Variants in CTNNA2 observed in about 807,000 individuals in gnomAD.
CTNNA2 encodes catenin alpha 2, also known as catenin alpha-2.
In CTNNA2, 42 loss-of-function variants were observed where a neutral mutation model predicts 101.0. The ratio of observed to expected loss-of-function variants is 0.42; its 90% confidence interval spans 0.32 to 0.54. CTNNA2 has a LOEUF of 0.54. Among genes scored for constraint, CTNNA2 ranks in the 20% least tolerant of loss-of-function variants. The probability of loss-of-function intolerance (pLI) is 0.14; values close to 1 mark genes in which losing one functional copy is unlikely to be tolerated. For missense variants in CTNNA2, 871 were observed against 1,223.1 expected (o/e 0.71, Z 4.29); for synonymous variants, 450 against 456.4 (o/e 0.99, Z 0.18).
chr2:79,294,238 A>AGAGGAG (rs369054802), intron 2 of CTNNA2, among the ~76,000 whole-genome samples: 1 of 149,870 alleles, frequency 6.7e-6, no homozygotes, highest in African/African-American at 2.4e-5. Context: ...AAGAAGAAGA[A>AGAGGAG]GAGGAGGAGG....
intron 1 of CTNNA2, among the ~76,000 whole-genome samples, chr2:79,538,240 T>A (rs907954547): frequency 2.7e-4 from 18 of 66,756 alleles, no homozygotes; most frequent in African/African-American, 1.6e-3. Flanking sequence ...AAGATGATTA[T>A]TCGAAAAAAA....
intron 3 of CTNNA2, among the ~76,000 whole-genome samples, chr2:79,844,806 C>A (rs1680075997): frequency 8.1e-6 from 1 of 124,048 alleles, no homozygotes; most frequent in African/African-American, 3.1e-5. Flanking sequence ...GTGTATTTTC[C>A]TGGGACATTT....
chr2:79,511,654 GATA>G (rs1367500662), upstream of CTNNA2, among the ~76,000 whole-genome samples: 7 of 152,260 alleles, frequency 4.6e-5, no homozygotes, highest in Admixed American at 4.6e-4. Flanking sequence ...AAGCCAAAAA[GATA>G]TTGGGAGAGA....
intron 4 of CTNNA2, among the ~76,000 whole-genome samples, chr2:79,475,407 T>A (rs1671040093): frequency 6.6e-6 from 1 of 152,184 alleles, no homozygotes. Flanking sequence ...AAATTATTCT[T>A]ATTTTTTTTT....
At chr2:79,939,000 AG>A (rs1687971971) in intron 7 of CTNNA2, among the ~76,000 whole-genome samples, 2 of 152,174 alleles carry the variant, frequency 1.3e-5, no homozygotes, top group Admixed American at 1.3e-4. Flanking sequence ...CGATATTAAC[AG>A]GTGGAGTGTG....
At chr2:80,600,590 A>C (rs1464955146) in intron 15 of CTNNA2, among the ~76,000 whole-genome samples, 1 of 152,184 alleles carries the variant, frequency 6.6e-6, no homozygotes, top group Non-Finnish European at 1.5e-5. Flanking sequence ...ATAAATGATG[A>C]AGAGACTCAG....
rs536305184 is a variant in CTNNA2, at chr2:79,709,961, G to T, written c.103-34426G>T. On this transcript the variant is annotated intron_variant, in intron 2 of 18. Coordinates refer to ENST00000402739, the MANE Select transcript of CTNNA2 (RefSeq NM_001282597.3). ...GAGAAAGTGGAATGAGCTCTGATTT[G>T]GACATAGTAAGGTCAAGAATGGCAC... 7.2e-5 allele frequency among the ~76,000 whole-genome samples: 11 copies of T among 152,174 alleles called. No homozygotes were observed. In the South Asian group the frequency reaches 2.1e-3, roughly 29 times the overall value.
At chr2:79,465,044 A>T (rs1185416186) in intron 4 of CTNNA2, among the ~76,000 whole-genome samples, 1 of 152,292 alleles carries the variant, frequency 6.6e-6, no homozygotes, top group East Asian at 1.9e-4. Context: ...TGTTTTGGAC[A>T]TGAAGTCCTT....
intron 1 of CTNNA2, among the ~76,000 whole-genome samples, chr2:79,602,792 T>C (rs1573453155): frequency 6.6e-6 from 1 of 152,092 alleles, no homozygotes; most frequent in Admixed American, 6.5e-5. Context: ...TGAAACCTTA[T>C]TGAAAGACAT....
At chr2:79,906,067 A>G (rs1685403878) in intron 6 of CTNNA2, among the ~76,000 whole-genome samples, 2 of 152,106 alleles carry the variant, frequency 1.3e-5, no homozygotes, top group African/African-American at 4.8e-5. Flanking sequence ...AGAGACAGAC[A>G]CATACAACTA....
chr2:79,696,705 GCAATGAAAATGA>G (rs994774432), intron 2 of CTNNA2, among the ~76,000 whole-genome samples: 3 of 151,990 alleles, frequency 2.0e-5, no homozygotes, highest in Non-Finnish European at 2.9e-5. Context: ...TAGGGAATTG[GCAATGAAAATGA>G]GATCAGACCC....
intron 2 of CTNNA2, among the ~76,000 whole-genome samples, chr2:79,290,663 G>A (rs1049838622): frequency 1.3e-5 from 2 of 152,094 alleles, no homozygotes; most frequent in South Asian, 4.1e-4. Context: ...CCAGCAGGCC[G>A]GCAGGCCATC....
intron 7 of CTNNA2, among the ~76,000 whole-genome samples, chr2:80,025,305 A>C (rs1174664769): frequency 6.6e-6 from 1 of 152,130 alleles, no homozygotes; most frequent in Non-Finnish European, 1.5e-5. Flanking sequence ...CCAGGGACCC[A>C]CCCTCTTCTA....
intron 7 of CTNNA2, among the ~76,000 whole-genome samples, chr2:80,212,616 T>A (rs1707972597): frequency 6.6e-6 from 1 of 152,190 alleles, no homozygotes; most frequent in African/African-American, 2.4e-5. Context: ...CGGATTCGGT[T>A]TGCCAGTATT....
chr2:80,550,104 C>T (rs148958868), intron 11 of CTNNA2, among the ~76,000 whole-genome samples: 73 of 152,286 alleles, frequency 4.8e-4, no homozygotes, highest in Admixed American at 6.5e-4. Flanking sequence ...GTTCCAACTA[C>T]TGCAGTAAAA....
chr2:80,336,399 C>A (rs975596473), intron 7 of CTNNA2, among the ~76,000 whole-genome samples: 1 of 152,072 alleles, frequency 6.6e-6, no homozygotes, highest in Admixed American at 6.6e-5. Flanking sequence ...ATTATAGCAA[C>A]CCGCCCCCTC....
intron 7 of CTNNA2, among the ~76,000 whole-genome samples, chr2:80,048,797 G>A (rs183086675): frequency 6.6e-6 from 1 of 152,278 alleles, no homozygotes; most frequent in African/African-American, 2.4e-5. Flanking sequence ...TACTGTGTAG[G>A]TGAAGGAAAG....
intron 7 of CTNNA2, among the ~76,000 whole-genome samples, chr2:80,284,822 T>A (rs1041637147): frequency 6.6e-6 from 1 of 152,122 alleles, no homozygotes; most frequent in African/African-American, 2.4e-5. Flanking sequence ...ATGATTATGG[T>A]TGCATAGATA....
rs184254273 is a variant in CTNNA2, at chr2:80,196,468, C to T, written c.1057-196743C>T. Reference sequence around the variant, plus strand: ...GAAACTTGCATGTCACAACTAAGGCCCTATTTTAATCTCTTGGCACTGCAC... The same window carrying T: ...GAAACTTGCATGTCACAACTAAGGCTCTATTTTAATCTCTTGGCACTGCAC... On this transcript the variant is annotated intron_variant, in intron 7 of 18. Transcript: ENST00000402739. 3.3e-5 allele frequency among the ~76,000 whole-genome samples: 5 copies of T among 152,256 alleles called. No individual in the cohort carries two copies. The East Asian group carries it at 9.6e-4, about 29-fold the overall frequency.
Sources: gnomAD v4.1 joint callset for allele counts (sites outside exome capture counted in the v4.1 genomes callset) on GRCh38, gnomAD v4.1.1 for gene constraint, MANE v1.5 for transcripts, NCBI Gene and HGNC (gene_info 2026-07-23, HGNC 2026-07-21) for gene names.